Variants in ZMYM2 observed in about 807,000 individuals in gnomAD.
The protein encoded by ZMYM2 is zinc finger MYM-type containing 2, also known as zinc finger MYM-type protein 2.
In ZMYM2, 56 loss-of-function variants were observed where a neutral mutation model predicts 162.8. The observed-to-expected ratio is 0.34, with a 90% CI of 0.28 to 0.43. The LOEUF is 0.43. Ranked by LOEUF, ZMYM2 falls within the 20% of genes least tolerant of loss-of-function variation. The pLI, the probability that ZMYM2 is intolerant of heterozygous loss-of-function variation, is 1.00. For synonymous variants in ZMYM2, 510 were observed against 541.6 expected, an observed-to-expected ratio of 0.94 and a Z score of 0.81; for missense variants, 1,275 against 1,621.8, an observed-to-expected ratio of 0.79 and a Z score of 3.67.
chr13:20,074,624 C>T (rs1957353150), intron 21 of ZMYM2, among the ~76,000 whole-genome samples: 1 of 151,106 alleles, frequency 6.6e-6, no homozygotes, highest in African/African-American at 2.4e-5. Context: ...CTGCAAGCTC[C>T]GCCTCCTGGG....
chr13:19,868,410 T>C, the ZMYM2 span, among the ~76,000 whole-genome samples: 6 of 152,354 alleles, frequency 3.9e-5, no homozygotes, highest in Middle Eastern at 6.8e-3. Flanking sequence ...CTGAGTCATC[T>C]TTCATATTTC....
At chr13:20,001,893 A>G (rs1026064309) in intron 3 of ZMYM2, among the ~76,000 whole-genome samples, 1 of 152,246 alleles carries the variant, frequency 6.6e-6, no homozygotes, top group African/African-American at 2.4e-5. Flanking sequence ...AAAAGATATA[A>G]TACTATTGTA....
intron 2 of ZMYM2, among the ~76,000 whole-genome samples, chr13:19,971,067 A>C (rs1165874514): frequency 2.6e-5 from 4 of 151,800 alleles, no homozygotes; most frequent in Admixed American, 6.6e-5. Flanking sequence ...AAGGTGGGGA[A>C]GAGTAGGGCT....
chr13:19,923,597 G>C, the ZMYM2 span, among the ~76,000 whole-genome samples: 769 of 147,080 alleles, frequency 5.2e-3, 6 homozygotes, highest in Middle Eastern at 0.014. Flanking sequence ...GGGCTTAAGC[G>C]ATCCTTACAC....
chr13:19,881,650 T>A, the ZMYM2 span, among the ~76,000 whole-genome samples: 7 of 149,848 alleles, frequency 4.7e-5, no homozygotes, highest in African/African-American at 1.7e-4. Flanking sequence ...AAAAATAAAA[T>A]AAAACAAATG....
At chr13:20,080,093 CA>C (rs1311946473) in intron 21 of ZMYM2, among the ~76,000 whole-genome samples, 1 of 152,174 alleles carries the variant, frequency 6.6e-6, no homozygotes, top group African/African-American at 2.4e-5. Flanking sequence ...CTGCTGTTCT[CA>C]TTCATAACAA....
intron 4 of ZMYM2, 91 bp downstream of exon 4, chr13:20,003,226 G>T: frequency 7.0e-7 from 1 of 1,421,718 alleles, no homozygotes; most frequent in South Asian, 1.5e-5. Context: ...AATACCTTTG[G>T]AAACTTCCCT....
intron 3 of ZMYM2, among the ~76,000 whole-genome samples, chr13:20,001,436 A>T (rs1000243670): frequency 1.3e-5 from 2 of 151,844 alleles, no homozygotes; most frequent in African/African-American, 4.8e-5. Context: ...ATGAGATTGA[A>T]TTGCTGCAAT....
In ZMYM2 at chr13:19,958,859, TGTCTTTCCA is replaced by T. The variant is rs1566148112; in HGVS notation, c.-80+22_-80+30del. 6.6e-6 allele frequency: 1 copy of T among 152,244 alleles called. No homozygotes were observed. The highest frequency in any genetic ancestry group is 1.5e-5 in the Non-Finnish European group (1 of 68,136). The allele number at this position is 152,244 out of a possible 1,614,324, so 9.4% of individuals were successfully genotyped here. ...AGAACCGGGTGAGGCTTATCCCCGC[TGTCTTTCCA>T]GTCCAGGGCCGCCGAGAGTGGGGGT... On this transcript the variant is annotated intron_variant, in intron 1 of 24. Coordinates refer to ENST00000610343, the MANE Select transcript of ZMYM2 (RefSeq NM_197968.4).
At chr13:19,911,312 GCCT>G in the ZMYM2 span, among the ~76,000 whole-genome samples, 2 of 152,040 alleles carry the variant, frequency 1.3e-5, no homozygotes, top group African/African-American at 4.8e-5. Flanking sequence ...ACTGGCCTCA[GCCT>G]CCCAAAGTGC....
chr13:19,979,231 T>C (rs1010069234), intron 2 of ZMYM2, among the ~76,000 whole-genome samples: 25 of 152,190 alleles, frequency 1.6e-4, no homozygotes, highest in African/African-American at 5.8e-4. Context: ...GACATGGATA[T>C]CTTTGAGTTT....
chr13:19,991,720 T>C (rs1404448463), intron 2 of ZMYM2, among the ~76,000 whole-genome samples: 1 of 147,950 alleles, frequency 6.8e-6, no homozygotes, highest in Non-Finnish European at 1.5e-5. Context: ...AGCCTCAAAC[T>C]CCCGGCCTCA....
chr13:20,085,448 T>C (rs1401789505), intron 24 of ZMYM2, among the ~76,000 whole-genome samples: 1 of 152,226 alleles, frequency 6.6e-6, no homozygotes, highest in East Asian at 1.9e-4. Context: ...TGTGCTGCCA[T>C]ACATATTTCA....
chr13:20,077,778 A>G (rs1324830138), intron 21 of ZMYM2, among the ~76,000 whole-genome samples: 2 of 152,182 alleles, frequency 1.3e-5, no homozygotes, highest in Admixed American at 6.5e-5. Flanking sequence ...AAAGGCCTCT[A>G]TTCCTTGATA....
the ZMYM2 span, among the ~76,000 whole-genome samples, chr13:19,928,537 C>T: frequency 6.6e-6 from 1 of 152,092 alleles, no homozygotes; most frequent in Non-Finnish European, 1.5e-5. Context: ...GGGCTCATGC[C>T]TGTAATCCTG....
At chr13:20,045,252 CATGTTAACTAGCAT>C (rs1326726007) in intron 12 of ZMYM2, among the ~76,000 whole-genome samples, 1 of 151,914 alleles carries the variant, frequency 6.6e-6, no homozygotes, top group African/African-American at 2.4e-5. Context: ...TGCAATTCAC[CATGTTAACTAGCAT>C]ATTGTAAATA....
chr13:20,030,686 C>T (rs1047367709), intron 9 of ZMYM2, among the ~76,000 whole-genome samples: 5 of 152,174 alleles, frequency 3.3e-5, no homozygotes, highest in Non-Finnish European at 5.9e-5. Context: ...GCATGAGCCA[C>T]CACGCCTGGC....
chr13:19,974,417 A>G (rs1956601852), intron 2 of ZMYM2, among the ~76,000 whole-genome samples: 1 of 148,846 alleles, frequency 6.7e-6, no homozygotes. Flanking sequence ...AATTTTATCC[A>G]TTGTGTGTTG....
the ZMYM2 span, among the ~76,000 whole-genome samples, chr13:19,876,821 C>G: frequency 6.6e-6 from 1 of 152,184 alleles, no homozygotes; most frequent in African/African-American, 2.4e-5. Context: ...CCCCTGACAA[C>G]CAGCATTCTA....
Sources: allele counts gnomAD v4.1 joint callset (sites outside exome capture counted in the v4.1 genomes callset), GRCh38; gene constraint gnomAD v4.1.1; transcripts MANE v1.5; gene names NCBI Gene and HGNC (gene_info 2026-07-23, HGNC 2026-07-21).